DENND1B: variants seen among roughly 807,000 people sequenced by gnomAD.
DENND1B encodes the protein DENN domain containing 1B.
DENND1B carries 59 observed loss-of-function variants against 90.1 expected under a neutral mutation model. The observed-to-expected ratio is 0.65, with a 90% CI of 0.53 to 0.81. The LOEUF (loss-of-function observed/expected upper bound fraction) is 0.81. Ranked by LOEUF, DENND1B falls within the 40% of genes least tolerant of loss-of-function variation. The pLI, the probability that DENND1B is intolerant of heterozygous loss-of-function variation, is 0.00. For synonymous variants in DENND1B, 337 were observed against 324.6 expected (o/e 1.04, Z -0.41); for missense variants, 862 against 912.6 (o/e 0.94, Z 0.71).
intron 9 of DENND1B, among the ~76,000 whole-genome samples, chr1:197,644,765 T>G (rs191904593): frequency 1.3e-5 from 2 of 152,294 alleles, no homozygotes; most frequent in African/African-American, 4.8e-5. Context: ...ACTATTGGCT[T>G]CTTGGACTTC....
intron 20 of DENND1B, among the ~76,000 whole-genome samples, chr1:197,529,639 G>A (rs547710058): frequency 2.2e-4 from 34 of 151,958 alleles, no homozygotes; most frequent in African/African-American, 7.2e-4. Context: ...GGCTAATATG[G>A]AGCAATATCT....
chr1:197,611,976 A>G lies in DENND1B; in HGVS notation c.774T>C (p.Cys258=), dbSNP rs1031185454. The G allele has an allele frequency of 3.1e-6, 5 of 1,601,242 alleles. No homozygotes were observed. Among genetic ancestry groups the G allele is most frequent in the Non-Finnish European group, 4.3e-6 (5 of 1,171,080 alleles). The part of the protein sequence containing the change: ...VLPPHLLDYC[C]APMPYLIGIH... ...TTCCAATCAGGTATGGCATTGGGGC[A>G]CTAAATTAAAAATATATATATGCAT... Residue 258 remains cysteine (C), a splice_region_variant and synonymous_variant, in exon 12 of 23, where the codon TGT becomes TGC. Coordinates refer to ENST00000620048, the MANE Select transcript of DENND1B (RefSeq NM_001195215.2).
chr1:197,762,889 T>G (rs1195265757), intron 2 of DENND1B, among the ~76,000 whole-genome samples: 1 of 152,188 alleles, frequency 6.6e-6, no homozygotes, highest in Non-Finnish European at 1.5e-5. Flanking sequence ...ATCTCCCCCG[T>G]TGTAAGGCTG....
chr1:197,665,837 C>G lies in DENND1B; in HGVS notation c.296+6200G>C, dbSNP rs1280640638. On this transcript the variant is annotated intron_variant, in intron 5 of 22. Coordinates refer to ENST00000620048, the MANE Select transcript of DENND1B (RefSeq NM_001195215.2). ...ATTTTTATGAAAATATATTTTATCA[C>G]AATAGAAAAAAATTAGTGTTTAGGA... Among the ~76,000 whole-genome samples, 3 of 151,932 alleles carry G rather than the reference C, an allele frequency of 2.0e-5. No individual in the cohort carries two copies. The East Asian group carries it at 5.8e-4, about 29-fold the overall frequency.
Position 197,536,095 on chromosome 1 carries a change from A to AGAGGGAGAGAGACGGAGG in DENND1B, c.1515+3851_1515+3868dup, listed in dbSNP as rs1271209708. Among the ~76,000 whole-genome samples, 6 of 149,344 alleles carry AGAGGGAGAGAGACGGAGG rather than the reference A, an allele frequency of 4.0e-5. No individual in the cohort carries two copies. The East Asian group carries it at 1.0e-3, about 25-fold the overall frequency. ...AAGGGACAGAGAGGGAGAGAGGAAAAGAGGGAGAGAGACGGAGGGAGGGAG... is the reference window on the plus strand; with the variant it reads ...AAGGGACAGAGAGGGAGAGAGGAAAAGAGGGAGAGAGACGGAGGGAGGGAGAGAGACGGAGGGAGGGAG... On this transcript the variant is annotated intron_variant, in intron 20 of 22. Transcript: ENST00000620048.
chr1:197,604,259 T>C (rs1211800255), intron 13 of DENND1B, among the ~76,000 whole-genome samples: 1 of 151,196 alleles, frequency 6.6e-6, no homozygotes, highest in Non-Finnish European at 1.5e-5. Context: ...AGTGTTCTTG[T>C]CAGAAGACAG....
chr1:197,756,526 A>T (rs1251136387), intron 2 of DENND1B, among the ~76,000 whole-genome samples: 2 of 146,238 alleles, frequency 1.4e-5, no homozygotes, highest in African/African-American at 5.0e-5. Context: ...CAGTGAGCCA[A>T]GATCGCACCA....
intron 2 of DENND1B, chr1:197,747,500 G>A (rs1031505476): frequency 3.5e-5 from 8 of 226,654 alleles, no homozygotes; most frequent in South Asian, 9.9e-5. Flanking sequence ...TTAAGACCCC[G>A]TCAGAAAATG....
intron 13 of DENND1B, among the ~76,000 whole-genome samples, chr1:197,599,408 A>G (rs1443624655): frequency 6.6e-6 from 1 of 151,900 alleles, no homozygotes. Context: ...AAGAGAAGAT[A>G]AAAATAAGTG....
rs187186547 is a variant in DENND1B at position 197,639,707 on chromosome 1, A to C, written c.672+3004T>G. Among the ~76,000 whole-genome samples, 191 of 152,310 alleles carry C rather than the reference A, an allele frequency of 1.3e-3. 1 individual carries two copies. The highest frequency in any genetic ancestry group is 4.4e-3 in the African/African-American group (184 of 41,596). On this transcript the variant is annotated intron_variant, in intron 10 of 22. Coordinates refer to ENST00000620048, the MANE Select transcript of DENND1B (RefSeq NM_001195215.2). Reference sequence around the variant, plus strand: ...GATATATAAAAATATGAGTATAAAAAGCTTAAAAACAAGTAAATTCATTGA... The same window carrying C: ...GATATATAAAAATATGAGTATAAAACGCTTAAAAACAAGTAAATTCATTGA...
chr1:197,736,408 G>T (rs1050149668), intron 2 of DENND1B, among the ~76,000 whole-genome samples: 1 of 152,060 alleles, frequency 6.6e-6, no homozygotes, highest in African/African-American at 2.4e-5. Context: ...GAGTACAGAG[G>T]CACAATCATA....
At chr1:197,646,093 T>C (rs1378724318) in intron 8 of DENND1B, among the ~76,000 whole-genome samples, 1 of 151,812 alleles carries the variant, frequency 6.6e-6, no homozygotes, top group African/African-American at 2.4e-5. Context: ...TATAGAGACA[T>C]ACACACCTAT....
At chr1:197,732,358 T>G (rs958548808) in intron 2 of DENND1B, among the ~76,000 whole-genome samples, 1 of 152,184 alleles carries the variant, frequency 6.6e-6, no homozygotes, top group African/African-American at 2.4e-5. Flanking sequence ...CTATTTTCTA[T>G]ACTTATCTCT....
intron 20 of DENND1B, among the ~76,000 whole-genome samples, chr1:197,517,826 T>G (rs1484891173): frequency 6.6e-6 from 1 of 151,988 alleles, no homozygotes; most frequent in East Asian, 1.9e-4. Context: ...CTCCTTCTCT[T>G]GTATACTTCT....
Position 197,674,186 on chromosome 1 carries a change from C to CAAAA in DENND1B, c.127-21_127-18dup. The CAAAA allele has an allele frequency of 6.4e-7, 1 of 1,552,984 alleles. No individual in the cohort carries two copies. The highest frequency in any genetic ancestry group is 8.7e-7 in the Non-Finnish European group (1 of 1,145,770). On this transcript the variant is annotated splice_polypyrimidine_tract_variant and intron_variant, in intron 3 of 22. Transcript: ENST00000620048. ...TAGTATTTCCTACAAATGGAAATTT[C>CAAAA]AAAAAAAAGAAATAAGTTTTAGAAT...
intron 15 of DENND1B, among the ~76,000 whole-genome samples, chr1:197,580,275 T>C (rs1674110311): frequency 6.8e-6 from 1 of 147,626 alleles, no homozygotes; most frequent in Non-Finnish European, 1.5e-5. Flanking sequence ...TTTTTTTTTT[T>C]TTTTAGTAGA....
At position 197,596,094 on chromosome 1, in the gene DENND1B, T is replaced by C. The variant is rs569632546; in HGVS notation, c.922-761A>G. Among the ~76,000 whole-genome samples the C allele has an allele frequency of 2.6e-5, 4 of 152,164 alleles. No homozygotes were observed. The South Asian group carries it at 6.2e-4, about 24-fold the overall frequency. Reference sequence around the variant, plus strand: ...ATGGTGGGTTTGAATTCAGTATCATTGCCTCATGAACCGGTAATCAGATTA... The same window carrying C: ...ATGGTGGGTTTGAATTCAGTATCATCGCCTCATGAACCGGTAATCAGATTA... On this transcript the variant is annotated intron_variant, in intron 13 of 22. Transcript: ENST00000620048.
chr1:197,550,777 T>C (rs1235634691), intron 16 of DENND1B, among the ~76,000 whole-genome samples: 3 of 151,136 alleles, frequency 2.0e-5, no homozygotes, highest in African/African-American at 7.3e-5. Flanking sequence ...CTAACCTGCA[T>C]GTTGTGCACG....
chr1:197,717,530 C>T (rs1185464412), intron 2 of DENND1B, among the ~76,000 whole-genome samples: 1 of 151,728 alleles, frequency 6.6e-6, no homozygotes, highest in African/African-American at 2.4e-5. Context: ...TTGATTTTGA[C>T]ATAAATATAT....
Sources: gnomAD v4.1 joint callset for allele counts (sites outside exome capture counted in the v4.1 genomes callset) on GRCh38, gnomAD v4.1.1 for gene constraint, MANE v1.5 for transcripts, NCBI Gene and HGNC (gene_info 2026-07-23, HGNC 2026-07-21) for gene names.